Variants in AXDND1 observed in about 807,000 individuals in gnomAD.
AXDND1 encodes axonemal dynein light chain domain containing 1.
In AXDND1, 110 loss-of-function variants were observed where a neutral mutation model predicts 137.5. The ratio of observed to expected loss-of-function variants is 0.80; its 90% confidence interval spans 0.69 to 0.94. AXDND1 has a LOEUF of 0.94. Ranked by LOEUF, AXDND1 falls within the 40% of genes least tolerant of loss-of-function variation. AXDND1 has a pLI of 0.00. For missense variants in AXDND1, 1,191 were observed against 1,169.8 expected (o/e 1.02, Z -0.26); for synonymous variants, 414 against 399.7 (o/e 1.04, Z -0.43).
chr1:179,416,083 T>G (rs1288084839), intron 12 of AXDND1, among the ~76,000 whole-genome samples: 3 of 152,150 alleles, frequency 2.0e-5, no homozygotes, highest in African/African-American at 7.2e-5. Flanking sequence ...AACCTCTCTT[T>G]ATCTTCTCTC....
At chr1:179,552,540 G>T in intron 25 of AXDND1, 1 of 1,291,884 alleles carries the variant, frequency 7.7e-7, no homozygotes, top group Non-Finnish European at 1.1e-6. Flanking sequence ...AAGCAAAGGG[G>T]AAATGTTCTC....
At chr1:179,423,442 T>A (rs1656073110) in intron 12 of AXDND1, among the ~76,000 whole-genome samples, 1 of 152,200 alleles carries the variant, frequency 6.6e-6, no homozygotes, top group African/African-American at 2.4e-5. Context: ...TTCAGTGTTA[T>A]TATTGATAAG....
At chr1:179,380,292 A>G in intron 6 of AXDND1, among the ~76,000 whole-genome samples, 1 of 136,038 alleles carries the variant, frequency 7.4e-6, no homozygotes, top group East Asian at 2.2e-4. Context: ...CAAATTAAAA[A>G]AAATAAAAAC....
chr1:179,393,241 T>C (rs1358940356), intron 9 of AXDND1, among the ~76,000 whole-genome samples: 1 of 152,208 alleles, frequency 6.6e-6, no homozygotes, highest in Non-Finnish European at 1.5e-5. Context: ...CCCCACATTA[T>C]GTTTTTGTAT....
At chr1:179,483,844 G>A (rs780791966) in intron 18 of AXDND1, among the ~76,000 whole-genome samples, 5 of 152,172 alleles carry the variant, frequency 3.3e-5, no homozygotes, top group African/African-American at 7.2e-5. Flanking sequence ...TGTATCCTGT[G>A]TATCCATATT....
At chr1:179,379,092 T>C (rs1316900888) in intron 5 of AXDND1, among the ~76,000 whole-genome samples, 1 of 152,144 alleles carries the variant, frequency 6.6e-6, no homozygotes, top group African/African-American at 2.4e-5. Flanking sequence ...TCTTGCTAAG[T>C]TGAATTTTAA....
At chr1:179,366,695 C>T (rs1459933114) in intron 2 of AXDND1, 89 bp downstream of exon 2, 6 of 1,075,640 alleles carry the variant, frequency 5.6e-6, no homozygotes, top group Non-Finnish European at 7.0e-6. Context: ...ATCTGATATT[C>T]AGAATACCTT....
intron 25 of AXDND1, among the ~76,000 whole-genome samples, chr1:179,539,676 C>T (rs1488422530): frequency 6.6e-6 from 1 of 152,082 alleles, no homozygotes; most frequent in Non-Finnish European, 1.5e-5. Flanking sequence ...CTTGGGGTTG[C>T]TCTTCTCAAG....
At chr1:179,446,156 C>CTTTGGAGAA (rs1659702295) in intron 16 of AXDND1, among the ~76,000 whole-genome samples, 1 of 152,116 alleles carries the variant, frequency 6.6e-6, no homozygotes, top group Non-Finnish European at 1.5e-5. Context: ...AATGTCTGCT[C>CTTTGGAGAA]AGGTACTTTG....
Position 179,488,667 on chromosome 1 carries a change from CTTTCTTTCT to C in AXDND1, c.2092-2868_2092-2860del, listed in dbSNP as rs1666447482. Among the ~76,000 whole-genome samples, 5 of 128,106 alleles carry C rather than the reference CTTTCTTTCT, an allele frequency of 3.9e-5. 1 individual carries two copies. The highest frequency in any genetic ancestry group is 3.8e-4 in the Admixed American group (5 of 13,006). 84.0% of individuals were successfully genotyped at this position (128,106 alleles called of 152,430 possible). A position where few individuals can be genotyped will look rare whatever the true frequency, so the allele number is the denominator to read the frequency against. ...TCTTTCTTTCTTTCTTTCTTTCTTT[CTTTCTTTCT>C]TTCTTTCTTTCTTTCTTTCTTTCCT... is the stretch of plus-strand genomic sequence containing the variant. On this transcript the variant is annotated intron_variant, in intron 18 of 25. Coordinates refer to ENST00000367618, the MANE Select transcript of AXDND1 (RefSeq NM_144696.6).
At chr1:179,511,852 G>C (rs1182463263) in intron 21 of AXDND1, among the ~76,000 whole-genome samples, 1 of 151,752 alleles carries the variant, frequency 6.6e-6, no homozygotes, top group East Asian at 1.9e-4. Context: ...TTGGCCATTT[G>C]TGTCTCTTCT....
intron 2 of AXDND1, among the ~76,000 whole-genome samples, chr1:179,367,124 A>G (rs1261017274): frequency 1.3e-5 from 2 of 151,958 alleles, no homozygotes; most frequent in East Asian, 3.9e-4. Context: ...CTGGAGGCTG[A>G]GGCAAGAGAA....
chr1:179,535,470 G>A (rs559119367), intron 25 of AXDND1, among the ~76,000 whole-genome samples: 55 of 152,114 alleles, frequency 3.6e-4, no homozygotes, highest in Admixed American at 1.3e-3. Context: ...GAGAACATGC[G>A]GTGTTTGGTT....
chr1:179,442,874 CAA>C (rs1571855156), intron 15 of AXDND1, among the ~76,000 whole-genome samples: 2 of 152,176 alleles, frequency 1.3e-5, no homozygotes, highest in Admixed American at 6.5e-5. Flanking sequence ...GAATAAAAGA[CAA>C]GAGACAAAAG....
At chr1:179,549,937 A>C (rs569220972) in intron 25 of AXDND1, among the ~76,000 whole-genome samples, 2 of 151,874 alleles carry the variant, frequency 1.3e-5, no homozygotes, top group African/African-American at 4.8e-5. Context: ...GAGTTCCCCA[A>C]CCCATGTCCT....
intron 5 of AXDND1, 39 bp from the exon 6 acceptor site, chr1:179,379,356 AAT>A: frequency 3.2e-6 from 5 of 1,586,204 alleles, no homozygotes; most frequent in Non-Finnish European, 4.3e-6. Context: ...TTTCTCTATT[AAT>A]ATATTCATTC....
chr1:179,481,686 G>T (rs894907637), intron 17 of AXDND1, among the ~76,000 whole-genome samples: 4 of 152,206 alleles, frequency 2.6e-5, no homozygotes, highest in Non-Finnish European at 5.9e-5. Flanking sequence ...TCTAACTGGT[G>T]TGAGGTGGTA....
At chr1:179,541,487 T>G (rs1016073946) in intron 25 of AXDND1, among the ~76,000 whole-genome samples, 20 of 152,014 alleles carry the variant, frequency 1.3e-4, no homozygotes, top group African/African-American at 4.3e-4. Flanking sequence ...TTGTTTTTTT[T>G]TTTTTTTTAA....
intron 4 of AXDND1, among the ~76,000 whole-genome samples, chr1:179,375,481 AAT>A (rs1312885737): frequency 4.9e-5 from 7 of 144,102 alleles, no homozygotes; most frequent in African/African-American, 1.8e-4. Context: ...AATTATATAA[AAT>A]ATATATAATG....
Sources: allele counts gnomAD v4.1 joint callset (sites outside exome capture counted in the v4.1 genomes callset), GRCh38; gene constraint gnomAD v4.1.1; transcripts MANE v1.5; gene names NCBI Gene and HGNC (gene_info 2026-07-23, HGNC 2026-07-21).